The following EFNA5 variants were observed in gnomAD, a reference collection of about 807,000 sequenced individuals.
EFNA5 encodes the protein ephrin A5.
A neutral mutation model predicts 22.9 loss-of-function variants in EFNA5; 5 were observed. The ratio of observed to expected loss-of-function variants is 0.22; its 90% confidence interval spans 0.11 to 0.46. The LOEUF is 0.46. Ranked by LOEUF, EFNA5 falls within the 20% of genes least tolerant of loss-of-function variation. EFNA5 has a pLI of 0.99. For missense variants in EFNA5, 237 were observed against 293.3 expected (o/e 0.81, Z 1.40); for synonymous variants, 113 against 112.2 (o/e 1.01, Z -0.04).
intron 1 of EFNA5, among the ~76,000 whole-genome samples, chr5:107,592,015 A>AATATATAATATATAAT (rs1354659167): frequency 2.6e-5 from 1 of 38,044 alleles, no homozygotes; most frequent in Admixed American, 4.2e-4. Context: ...TAATATATAT[A>AATATATAATATATAAT]ATATAATATA....
intron 1 of EFNA5, among the ~76,000 whole-genome samples, chr5:107,603,358 A>G (rs1749645717): frequency 6.6e-6 from 1 of 152,210 alleles, no homozygotes; most frequent in Admixed American, 6.5e-5. Flanking sequence ...GGCAATTTTT[A>G]TCCCTCACTT....
chr5:107,420,898 T>G (rs638617), intron 2 of EFNA5, among the ~76,000 whole-genome samples: 1 of 152,168 alleles, frequency 6.6e-6, no homozygotes, highest in African/African-American at 2.4e-5. Flanking sequence ...ATGGAAAACT[T>G]GCACTTCTAC....
intron 1 of EFNA5, among the ~76,000 whole-genome samples, chr5:107,574,138 T>G (rs591470): frequency 6.6e-5 from 10 of 152,038 alleles, no homozygotes; most frequent in Non-Finnish European, 8.8e-5. Flanking sequence ...TAACTATCAA[T>G]TGGTTTTCTT....
In EFNA5 at chr5:107,670,672, G is replaced by C. The variant is rs947444345; in HGVS notation, c.-59C>G. ...CACTCCGGGGAGAGAGCGGGGATCC[G>C]GAGGGAGGGAGGCAGGCAAAGGGAC... On this transcript the variant is annotated 5_prime_UTR_variant, in exon 1 of 5. Coordinates refer to ENST00000333274, the MANE Select transcript of EFNA5 (RefSeq NM_001962.3). The C allele has an allele frequency of 6.4e-7, 1 of 1,567,574 alleles. No individual in the cohort carries two copies. The highest frequency in any genetic ancestry group is 2.4e-5 in the East Asian group (1 of 41,686).
chr5:107,651,599 G>A (rs1205362972), intron 1 of EFNA5, among the ~76,000 whole-genome samples: 1 of 149,682 alleles, frequency 6.7e-6, no homozygotes, highest in Non-Finnish European at 1.5e-5. Context: ...TTGCTTGGTG[G>A]TTTGGCATTT....
At chr5:107,539,905 C>T (rs1748011178) in intron 1 of EFNA5, among the ~76,000 whole-genome samples, 1 of 152,182 alleles carries the variant, frequency 6.6e-6, no homozygotes, top group Non-Finnish European at 1.5e-5. Context: ...GAGGTCAGAA[C>T]AGGCTTTCGA....
chr5:107,562,982 T>C (rs1748581663), intron 1 of EFNA5, among the ~76,000 whole-genome samples: 1 of 152,202 alleles, frequency 6.6e-6, no homozygotes, highest in Admixed American at 6.5e-5. Context: ...GGCCTCATTT[T>C]CAGAGGATTC....
chr5:107,384,331 C>T (rs960263886), intron 4 of EFNA5, among the ~76,000 whole-genome samples: 4 of 152,176 alleles, frequency 2.6e-5, no homozygotes, highest in African/African-American at 9.7e-5. Context: ...GGAGAGAACA[C>T]TAGCGATATT....
At chr5:107,453,707 A>G (rs971983586) in intron 1 of EFNA5, among the ~76,000 whole-genome samples, 14 of 152,316 alleles carry the variant, frequency 9.2e-5, no homozygotes, top group African/African-American at 3.1e-4. Flanking sequence ...TCACAAATTC[A>G]AGCAATGCCA....
chr5:107,554,943 C>A (rs1292590209), intron 1 of EFNA5, among the ~76,000 whole-genome samples: 2 of 152,134 alleles, frequency 1.3e-5, no homozygotes, highest in African/African-American at 4.8e-5. Context: ...AGAGAGGTTA[C>A]CATGCTGTCT....
At chr5:107,449,758 C>A (rs1749502991) in intron 1 of EFNA5, among the ~76,000 whole-genome samples, 1 of 152,184 alleles carries the variant, frequency 6.6e-6, no homozygotes, top group Non-Finnish European at 1.5e-5. Flanking sequence ...TTTACACCTG[C>A]TCCTTCCTAC....
At chr5:107,623,309 C>T (rs572467150) in intron 1 of EFNA5, among the ~76,000 whole-genome samples, 1 of 152,204 alleles carries the variant, frequency 6.6e-6, no homozygotes, top group African/African-American at 2.4e-5. Context: ...CATTTGTTTT[C>T]ATGCAAATTT....
intron 1 of EFNA5, among the ~76,000 whole-genome samples, chr5:107,574,558 C>T (rs1288795643): frequency 6.6e-6 from 1 of 152,022 alleles, no homozygotes; most frequent in Non-Finnish European, 1.5e-5. Context: ...GATTTTTTTC[C>T]CCCCATGGAA....
intron 1 of EFNA5, among the ~76,000 whole-genome samples, chr5:107,562,543 T>C (rs1404363880): frequency 6.6e-6 from 1 of 152,150 alleles, no homozygotes; most frequent in African/African-American, 2.4e-5. Context: ...TATAGTATAA[T>C]TGGTATGTTC....
chr5:107,429,574 A>T (rs1748894879), intron 1 of EFNA5, among the ~76,000 whole-genome samples: 1 of 152,214 alleles, frequency 6.6e-6, no homozygotes, highest in South Asian at 2.1e-4. Flanking sequence ...GACTAAGTAG[A>T]CCTAGATTTA....
At chr5:107,479,515 T>A (rs927181389) in intron 1 of EFNA5, among the ~76,000 whole-genome samples, 4 of 152,026 alleles carry the variant, frequency 2.6e-5, no homozygotes, top group African/African-American at 9.7e-5. Context: ...ACAAGTGATT[T>A]ACTGTCGCTG....
chr5:107,548,224 G>A (rs903832333), intron 1 of EFNA5, among the ~76,000 whole-genome samples: 1 of 152,156 alleles, frequency 6.6e-6, no homozygotes, highest in Admixed American at 6.5e-5. Context: ...TTCAGTTGAG[G>A]TGGAGTGAGG....
chr5:107,465,663 G>A (rs751274934), intron 1 of EFNA5, among the ~76,000 whole-genome samples: 12 of 152,050 alleles, frequency 7.9e-5, no homozygotes, highest in South Asian at 4.1e-4. Flanking sequence ...TCACAGCAGC[G>A]TAAGAAATGT....
intron 1 of EFNA5, among the ~76,000 whole-genome samples, chr5:107,644,925 T>A (rs1351876397): frequency 2.6e-5 from 4 of 152,292 alleles, no homozygotes; most frequent in Non-Finnish European, 5.9e-5. Flanking sequence ...GGTCTCGAAC[T>A]CCCAACCTCA....
Sources: gnomAD v4.1 joint callset for allele counts (sites outside exome capture counted in the v4.1 genomes callset) on GRCh38, gnomAD v4.1.1 for gene constraint, MANE v1.5 for transcripts, NCBI Gene and HGNC (gene_info 2026-07-23, HGNC 2026-07-21) for gene names.